Variants in PLEKHA7 observed in about 807,000 individuals in gnomAD.
The protein encoded by PLEKHA7 is pleckstrin homology domain-containing family A member 7.
PLEKHA7 carries 104 observed loss-of-function variants against 170.0 expected under a neutral mutation model. That is an observed-to-expected ratio of 0.61 (90% CI 0.52 to 0.72). PLEKHA7 has a LOEUF of 0.72. Among genes scored for constraint, PLEKHA7 ranks in the 30% least tolerant of loss-of-function variants. The pLI is 0.00. For missense variants in PLEKHA7, 1,615 were observed against 1,671.7 expected, an observed-to-expected ratio of 0.97 and a Z score of 0.59; for synonymous variants, 648 against 660.8, an observed-to-expected ratio of 0.98 and a Z score of 0.30.
intron 12 of PLEKHA7, among the ~76,000 whole-genome samples, chr11:16,814,802 C>T (rs1041933266): frequency 1.3e-5 from 2 of 152,322 alleles, no homozygotes; most frequent in African/African-American, 2.4e-5. Context: ...TAAGAGAGGG[C>T]GCCCTGCATC....
chr11:16,895,947 C>T (rs1565085999), intron 3 of PLEKHA7, among the ~76,000 whole-genome samples: 1 of 152,170 alleles, frequency 6.6e-6, no homozygotes, highest in African/African-American at 2.4e-5. Flanking sequence ...AGTCTCTTCT[C>T]CCCTATAAAA....
At chr11:16,819,171 C>T (rs777204349) in intron 10 of PLEKHA7, among the ~76,000 whole-genome samples, 2 of 151,946 alleles carry the variant, frequency 1.3e-5, no homozygotes, top group Non-Finnish European at 2.9e-5. Flanking sequence ...AATCTTGGCT[C>T]ACTGCAACCT....
At chr11:16,892,432 G>GTTTTGTTTCGTTTTGTTT (rs763934828) in intron 3 of PLEKHA7, among the ~76,000 whole-genome samples, 3 of 114,946 alleles carry the variant, frequency 2.6e-5, no homozygotes, top group African/African-American at 7.3e-5. Flanking sequence ...GTGTGTGTGT[G>GTTTTGTTTCGTTTTGTTT]TGTTTTGTTT....
intron 3 of PLEKHA7, chr11:16,881,332 C>A (rs950194644): frequency 6.6e-6 from 1 of 152,210 alleles, no homozygotes; most frequent in Admixed American, 6.5e-5. Flanking sequence ...AGCTGCACCA[C>A]CTTATTAAAT....
At chr11:16,976,882 A>G (rs934098919) in intron 3 of PLEKHA7, among the ~76,000 whole-genome samples, 2 of 152,114 alleles carry the variant, frequency 1.3e-5, no homozygotes, top group Non-Finnish European at 2.9e-5. Context: ...TCAATAAATA[A>G]TTGCTGAATG....
chr11:16,874,652 C>T (rs1855139317), intron 3 of PLEKHA7, among the ~76,000 whole-genome samples: 1 of 152,092 alleles, frequency 6.6e-6, no homozygotes, highest in Non-Finnish European at 1.5e-5. Flanking sequence ...ATGAGAAAGC[C>T]CTAAAGACAC....
At chr11:16,967,457 G>A (rs1862441666) in intron 3 of PLEKHA7, among the ~76,000 whole-genome samples, 1 of 152,164 alleles carries the variant, frequency 6.6e-6, no homozygotes, top group South Asian at 2.1e-4. Flanking sequence ...AGCTCTAGGC[G>A]ATGCTGGTCA....
intron 3 of PLEKHA7, among the ~76,000 whole-genome samples, chr11:16,945,127 G>A (rs1318308090): frequency 6.6e-6 from 1 of 152,060 alleles, no homozygotes; most frequent in Non-Finnish European, 1.5e-5. Context: ...GTAGAGTTGG[G>A]GTTTCACCAT....
chr11:16,952,206 C>T (rs4757452), intron 3 of PLEKHA7, among the ~76,000 whole-genome samples: 135,908 of 152,230 alleles, frequency 0.89, 60,708 homozygotes, highest in African/African-American at 0.93. Flanking sequence ...GAATAAGTCC[C>T]GATGAATGGA....
chr11:16,963,710 T>C (rs1018004718), intron 3 of PLEKHA7, among the ~76,000 whole-genome samples: 14 of 152,144 alleles, frequency 9.2e-5, no homozygotes, highest in Non-Finnish European at 1.8e-4. Context: ...AAGTGTCCCA[T>C]TCGAGTAGCC....
Position 16,789,634 on chromosome 11 carries a change from G to A in PLEKHA7, c.3156+141C>T, listed in dbSNP as rs1304234775. The A allele has an allele frequency of 4.3e-6, 3 of 697,036 alleles. No individual in the cohort carries two copies. Among genetic ancestry groups the A allele is most frequent in the Non-Finnish European group, 7.2e-6 (3 of 419,472 alleles). 43.2% of individuals were successfully genotyped at this position (697,036 alleles called of 1,614,324 possible). ...ATGCCCTCCTTGGTGGACAGTGGGT[G>A]ACAGGGAGCTCAGGAGGGGCTGAGG... On this transcript the variant is annotated intron_variant, in intron 22 of 26. Transcript: ENST00000531066. This position sits in a 1 kb window ranked among gnomAD's most constrained non-coding sequence, Gnocchi z 4.6.
At position 16,789,519 on chromosome 11, in the gene PLEKHA7, G is replaced by T. The variant is rs1415437250; in HGVS notation, c.3157-223C>A. On this transcript the variant is annotated intron_variant, in intron 22 of 26. Coordinates refer to ENST00000531066, the MANE Select transcript of PLEKHA7 (RefSeq NM_001329630.2). The surrounding 1 kb of genome is among the most constrained non-coding windows in gnomAD (Gnocchi z 4.6). ...CCCATTCTGCAGATGCAGACACTTA[G>T]GCTCAGGCCTGTCCAGTGAGGCCAG... 1.6e-6 allele frequency: 1 copy of T among 618,972 alleles called. No homozygotes were observed. The highest frequency in any genetic ancestry group is 2.8e-6 in the Non-Finnish European group (1 of 353,682). 38.3% of individuals were successfully genotyped at this position (618,972 alleles called of 1,614,324 possible). A position where few individuals can be genotyped will look rare whatever the true frequency, so the allele number is the denominator to read the frequency against.
chr11:16,795,902 C>T (rs1243532482), intron 17 of PLEKHA7, among the ~76,000 whole-genome samples: 1 of 120,532 alleles, frequency 8.3e-6, no homozygotes, highest in African/African-American at 3.1e-5. Context: ...GTTGCCCAGG[C>T]TAGAGTACAA....
In PLEKHA7 at chr11:16,816,817, G is replaced by C. The variant is rs200893380; in HGVS notation, c.1849C>G (p.Arg617Gly). 1 of 1,613,774 alleles carries C rather than the reference G, an allele frequency of 6.2e-7. No individual in the cohort carries two copies. Among genetic ancestry groups the C allele is most frequent in the East Asian group, 2.2e-5 (1 of 44,886 alleles). ...ISLGDSPRRA[R>G]GHAVKNSSHV... The stretch of plus-strand genomic sequence containing the variant: ...AGCCTCACCTTGACAGCGTGGCCCC[G>C]TGCCCTCCTTGGAGAATCCCCCAGC... The change falls in exon 11 of 27, where the codon CGG (arginine) becomes GGG (glycine). Residue 617 changes from arginine to glycine, a missense_variant. By Grantham distance (125) the Arg-to-Gly change is moderately radical. Transcript: ENST00000531066.
At position 16,789,335 on chromosome 11, in the gene PLEKHA7, C is replaced by G. The variant is rs1252588674; in HGVS notation, c.3157-39G>C. The G allele has an allele frequency of 3.8e-6, 6 of 1,599,454 alleles. No homozygotes were observed. In the South Asian group the frequency reaches 5.5e-5, roughly 15 times the overall value. On this transcript the variant is annotated intron_variant, in intron 22 of 26. Coordinates refer to ENST00000531066, the MANE Select transcript of PLEKHA7 (RefSeq NM_001329630.2). The surrounding 1 kb of genome is among the most constrained non-coding windows in gnomAD (Gnocchi z 4.6). ...GGCAGGCAAGAGAGACACAGAACAG[C>G]TGGGCTGGGCACGCAGAGGACAGCC...
chr11:16,812,602 G>A (rs919807771), intron 13 of PLEKHA7: 1 of 152,328 alleles, frequency 6.6e-6, no homozygotes, highest in African/African-American at 2.4e-5. Flanking sequence ...CTAATTTAGA[G>A]CCTGAAGCCT....
At chr11:16,891,007 CATCCTGCCT>C (rs2135935166) in intron 3 of PLEKHA7, among the ~76,000 whole-genome samples, 1 of 152,024 alleles carries the variant, frequency 6.6e-6, no homozygotes, top group Non-Finnish European at 1.5e-5. Flanking sequence ...CTCAAGTGAT[CATCCTGCCT>C]CAGCCTCCTG....
intron 3 of PLEKHA7, among the ~76,000 whole-genome samples, chr11:16,930,248 T>A (rs1859834812): frequency 6.6e-6 from 1 of 151,952 alleles, no homozygotes; most frequent in African/African-American, 2.4e-5. Context: ...TGAAGGCAGA[T>A]AGGATTAAAA....
intron 10 of PLEKHA7, 111 bp downstream of exon 10, chr11:16,826,009 G>T: frequency 9.4e-7 from 1 of 1,065,002 alleles, no homozygotes; most frequent in Non-Finnish European, 1.4e-6. Flanking sequence ...GTAGGTAATG[G>T]CAGTAAAGAG....
Sources: allele counts gnomAD v4.1 joint callset (sites outside exome capture counted in the v4.1 genomes callset), GRCh38; gene constraint gnomAD v4.1.1; non-coding constraint Gnocchi (gnomAD v3.1); transcripts MANE v1.5; gene names NCBI Gene and HGNC (gene_info 2026-07-23, HGNC 2026-07-21).